The following CAMK1D variants were observed in gnomAD, a reference collection of about 807,000 sequenced individuals.
The protein encoded by CAMK1D is calcium/calmodulin-dependent protein kinase type 1D.
A neutral mutation model predicts 47.7 loss-of-function variants in CAMK1D; 9 were observed. The observed-to-expected ratio is 0.19, with a 90% CI of 0.11 to 0.33. The LOEUF (loss-of-function observed/expected upper bound fraction) is 0.33, where lower values mean the gene tolerates loss of function less well. CAMK1D is among the 10% of genes least tolerant of loss of function. The pLI, the probability that CAMK1D is intolerant of heterozygous loss-of-function variation, is 1.00. For missense variants in CAMK1D, 291 were observed against 488.7 expected (o/e 0.60, Z 3.81); for synonymous variants, 184 against 184.9 (o/e 0.99, Z 0.04).
chr10:12,476,815 C>G (rs1833915952), intron 1 of CAMK1D, among the ~76,000 whole-genome samples: 1 of 152,154 alleles, frequency 6.6e-6, no homozygotes, highest in African/African-American at 2.4e-5. Context: ...CCATAAGTCC[C>G]TTCTCAGCAG....
intron 2 of CAMK1D, among the ~76,000 whole-genome samples, chr10:12,614,482 G>A (rs1274645254): frequency 1.3e-5 from 2 of 152,190 alleles, no homozygotes; most frequent in Admixed American, 6.5e-5. Flanking sequence ...AATAGCCATA[G>A]TTTTATATAT....
At chr10:12,352,820 T>C (rs1451782665) in intron 1 of CAMK1D, among the ~76,000 whole-genome samples, 1 of 148,960 alleles carries the variant, frequency 6.7e-6, no homozygotes, top group Non-Finnish European at 1.5e-5. Context: ...CACTGCAAGC[T>C]CTGCCTCATG....
intron 6 of CAMK1D, among the ~76,000 whole-genome samples, chr10:12,810,728 G>A (rs1446234483): frequency 6.6e-6 from 1 of 152,204 alleles, no homozygotes; most frequent in Non-Finnish European, 1.5e-5. Flanking sequence ...TTCAACGCCC[G>A]AAGTTCAATT....
chr10:12,770,761 C>T (rs1837000898), intron 5 of CAMK1D, among the ~76,000 whole-genome samples: 1 of 151,994 alleles, frequency 6.6e-6, no homozygotes, highest in South Asian at 2.1e-4. Flanking sequence ...AAGAAGCCAG[C>T]CATGTGGGAG....
chr10:12,459,275 G>A (rs560593493), intron 1 of CAMK1D, among the ~76,000 whole-genome samples: 3 of 152,292 alleles, frequency 2.0e-5, no homozygotes, highest in Non-Finnish European at 2.9e-5. Context: ...GCCCACTACT[G>A]TGTTGGTGGA....
chr10:12,626,502 C>T (rs183297022), intron 2 of CAMK1D, among the ~76,000 whole-genome samples: 302 of 136,872 alleles, frequency 2.2e-3, no homozygotes, highest in African/African-American at 7.7e-3. Context: ...GAGATGGAGT[C>T]TCATTCTGTC....
chr10:12,407,320 C>T (rs150833332), intron 1 of CAMK1D, among the ~76,000 whole-genome samples: 315 of 152,380 alleles, frequency 2.1e-3, no homozygotes, highest in African/African-American at 6.7e-3. Context: ...CAGAAGCTCC[C>T]ACTGCCAGGG....
chr10:12,623,248 CCTCCCTCCTTTCTTT>C (rs1839076106), intron 2 of CAMK1D, among the ~76,000 whole-genome samples: 2 of 7,458 alleles, frequency 2.7e-4, no homozygotes, highest in African/African-American at 5.4e-4. Flanking sequence ...TCCCTTCCTT[CCTCCCTCCTTTCTTT>C]CCTTCCTCCC....
At chr10:12,707,675 CA>C (rs1833778076) in intron 3 of CAMK1D, among the ~76,000 whole-genome samples, 1 of 152,216 alleles carries the variant, frequency 6.6e-6, no homozygotes, top group African/African-American at 2.4e-5. Flanking sequence ...ATTTATTCAA[CA>C]TGATAGTTTC....
intron 3 of CAMK1D, among the ~76,000 whole-genome samples, chr10:12,697,103 G>T (rs115310515): frequency 0.015 from 2,274 of 152,270 alleles, 67 homozygotes; most frequent in African/African-American, 0.052. Flanking sequence ...ATGGGTCAAA[G>T]TAGGGTATAT....
chr10:12,682,937 T>C (rs565849837), intron 3 of CAMK1D, among the ~76,000 whole-genome samples: 1 of 152,072 alleles, frequency 6.6e-6, no homozygotes, highest in African/African-American at 2.4e-5. Flanking sequence ...TTCTTTTTTT[T>C]TTTGGAGATG....
chr10:12,798,730 A>AT (rs1838299540), intron 6 of CAMK1D, among the ~76,000 whole-genome samples: 1 of 152,240 alleles, frequency 6.6e-6, no homozygotes, highest in African/African-American at 2.4e-5. Context: ...CATAGTGTTT[A>AT]AAATAGAGTT....
intron 3 of CAMK1D, among the ~76,000 whole-genome samples, chr10:12,694,568 A>T (rs1260427963): frequency 1.2e-5 from 1 of 80,478 alleles, no homozygotes; most frequent in Non-Finnish European, 2.4e-5. Context: ...AAAATATATA[A>T]TATATAAAAA....
chr10:12,833,942 G>C lies in CAMK1D; in HGVS notation c.*5055G>C, dbSNP rs1833462733. The C allele has an allele frequency of 7.3e-6, 1 of 136,478 alleles. No homozygotes were observed. 8.5% of individuals were successfully genotyped at this position (136,478 alleles called of 1,614,324 possible). On this transcript the variant is annotated 3_prime_UTR_variant, in exon 11 of 11. Transcript: ENST00000619168. ...AAAAAAAAAAAAAAAAAAAAAAGAT[G>C]TATATACCTGTATGTGATCCACCAC...
At position 12,570,581 on chromosome 10, in the gene CAMK1D, G is replaced by A. The variant is rs529375459; in HGVS notation, c.224+17225G>A. Among the ~76,000 whole-genome samples, 267 of 151,620 alleles carry A rather than the reference G, an allele frequency of 1.8e-3. 1 individual carries two copies. The highest frequency in any genetic ancestry group is 6.1e-3 in the African/African-American group (251 of 41,230). On this transcript the variant is annotated intron_variant, in intron 2 of 10. Coordinates refer to ENST00000619168, the MANE Select transcript of CAMK1D (RefSeq NM_153498.4). The stretch of plus-strand genomic sequence containing the variant: ...TGTAATCCCAGCTACTCAGGAGGCT[G>A]AGGCAGGAGAATCGCTTGAACCCAG...
At chr10:12,660,818 A>G (rs1840253178) in intron 2 of CAMK1D, among the ~76,000 whole-genome samples, 1 of 152,166 alleles carries the variant, frequency 6.6e-6, no homozygotes, top group Non-Finnish European at 1.5e-5. Context: ...TATGGCTTTG[A>G]ATTACGCACA....
intron 1 of CAMK1D, among the ~76,000 whole-genome samples, chr10:12,440,637 G>A (rs1832760402): frequency 6.6e-6 from 1 of 152,092 alleles, no homozygotes; most frequent in South Asian, 2.1e-4. Flanking sequence ...TGAACTCAGT[G>A]GCACACTTTA....
chr10:12,779,629 CTTT>C, intron 5 of CAMK1D, among the ~76,000 whole-genome samples: 1 of 152,104 alleles, frequency 6.6e-6, no homozygotes, highest in Admixed American at 6.5e-5. Flanking sequence ...CAGGGTCTCA[CTTT>C]GTTGCTCAGG....
chr10:12,408,830 T>C (rs2724788), intron 1 of CAMK1D, among the ~76,000 whole-genome samples: 107,776 of 148,498 alleles, frequency 0.73, 39,254 homozygotes, highest in Admixed American at 0.76. Context: ...TGGTTTTCGT[T>C]CATTTCTTTC....
Sources: allele counts gnomAD v4.1 joint callset (sites outside exome capture counted in the v4.1 genomes callset), GRCh38; gene constraint gnomAD v4.1.1; transcripts MANE v1.5; gene names NCBI Gene and HGNC (gene_info 2026-07-23, HGNC 2026-07-21).